MAP3K13: variants seen among roughly 807,000 people sequenced by gnomAD.
MAP3K13 encodes leucine zipper-bearing kinase.
A neutral mutation model predicts 104.0 loss-of-function variants in MAP3K13; 52 were observed. The ratio of observed to expected loss-of-function variants is 0.50; its 90% confidence interval spans 0.40 to 0.63. The LOEUF (loss-of-function observed/expected upper bound fraction) is 0.63. Among genes scored for constraint, MAP3K13 ranks in the 20% least tolerant of loss-of-function variants. MAP3K13 has a pLI of 0.00. For synonymous variants in MAP3K13, 394 were observed against 442.2 expected, an observed-to-expected ratio of 0.89 and a Z score of 1.37; for missense variants, 914 against 1,218.5, an observed-to-expected ratio of 0.75 and a Z score of 3.72.
chr3:185,302,880 A>C (rs1254628745), intron 2 of MAP3K13, among the ~76,000 whole-genome samples: 2 of 152,186 alleles, frequency 1.3e-5, no homozygotes, highest in Non-Finnish European at 2.9e-5. Flanking sequence ...TGTTGAGTAG[A>C]AGTGGTGAAG....
chr3:185,413,679 G>C (rs1224354187), intron 1 of MAP3K13, among the ~76,000 whole-genome samples: 7 of 152,088 alleles, frequency 4.6e-5, no homozygotes, highest in Admixed American at 3.9e-4. Context: ...AAAATTAGCT[G>C]GGTGTGGCAG....
chr3:185,339,497 TG>T (rs1237634514), intron 2 of MAP3K13, among the ~76,000 whole-genome samples: 6 of 152,192 alleles, frequency 3.9e-5, no homozygotes, highest in African/African-American at 1.4e-4. Flanking sequence ...TCAGAAACTC[TG>T]GGGGTATGGT....
intron 1 of MAP3K13, among the ~76,000 whole-genome samples, chr3:185,383,941 T>C (rs1239736486): frequency 6.6e-6 from 1 of 152,324 alleles, no homozygotes; most frequent in African/African-American, 2.4e-5. Flanking sequence ...ACCAGTTTCT[T>C]GTGTTAGGAA....
At chr3:185,291,456 T>G (rs531829427) in intron 2 of MAP3K13, among the ~76,000 whole-genome samples, 207 of 152,288 alleles carry the variant, frequency 1.4e-3, no homozygotes, top group African/African-American at 4.7e-3. Context: ...CAAAAAAATT[T>G]TTTTCCTTTT....
intron 1 of MAP3K13, among the ~76,000 whole-genome samples, chr3:185,397,723 A>ATAAT (rs1712510819): frequency 6.6e-6 from 1 of 151,852 alleles, no homozygotes; most frequent in Non-Finnish European, 1.5e-5. Context: ...GACCCTTATA[A>ATAAT]TATATCTAGG....
intron 10 of MAP3K13, among the ~76,000 whole-genome samples, chr3:185,472,461 T>C (rs555685394): frequency 1.3e-5 from 2 of 152,214 alleles, no homozygotes; most frequent in Admixed American, 1.3e-4. Context: ...TCCACCCTCC[T>C]TGGCCTCCCA....
rs1034055017 is a variant in MAP3K13 at position 185,437,011 on chromosome 3, A to G, written c.476-436A>G. Among the ~76,000 whole-genome samples the G allele has an allele frequency of 4.2e-3, 619 of 148,292 alleles. 2 individuals are homozygous for G. Among genetic ancestry groups the G allele is most frequent in the Non-Finnish European group, 7.7e-3 (512 of 66,814 alleles). On this transcript the variant is annotated intron_variant, in intron 2 of 13. Transcript: ENST00000265026. ...GCAAGACTCTGTCTCAAAAAAAAAA[A>G]AAAAAAAAAAAAAAAAAAAAATTAG...
chr3:185,427,359 G>C (rs1714487535), intron 1 of MAP3K13, among the ~76,000 whole-genome samples: 1 of 151,672 alleles, frequency 6.6e-6, no homozygotes, highest in African/African-American at 2.4e-5. Context: ...GCGAGACTCT[G>C]TCTCAAAAAA....
At chr3:185,440,439 C>T (rs969588696) in intron 3 of MAP3K13, among the ~76,000 whole-genome samples, 2 of 152,110 alleles carry the variant, frequency 1.3e-5, no homozygotes, top group African/African-American at 4.8e-5. Flanking sequence ...TTACATTATA[C>T]CTGCCGTATT....
chr3:185,390,008 C>T (rs1711947429), intron 1 of MAP3K13, among the ~76,000 whole-genome samples: 1 of 152,146 alleles, frequency 6.6e-6, no homozygotes, highest in African/African-American at 2.4e-5. Flanking sequence ...TGCTTTCAAT[C>T]TGTTGTGATA....
chr3:185,317,175 G>GA (rs1419387049), intron 2 of MAP3K13, among the ~76,000 whole-genome samples: 1 of 152,100 alleles, frequency 6.6e-6, no homozygotes, highest in Admixed American at 6.5e-5. Flanking sequence ...TTTCAGCCCT[G>GA]AAAACAGCTT....
At chr3:185,288,540 G>GTGTGTGTGTGTGTGTA (rs1437773195) in intron 2 of MAP3K13, among the ~76,000 whole-genome samples, 8 of 140,118 alleles carry the variant, frequency 5.7e-5, no homozygotes, top group African/African-American at 2.0e-4. Flanking sequence ...GTGTTTGTGT[G>GTGTGTGTGTGTGTGTA]TATATATATA....
In MAP3K13 at chr3:185,343,298, G is replaced by C. The variant is rs187533949; in HGVS notation, c.-86+57655G>C. ...TGAGGGGCACCTTAAGAGTTTGTCT[G>C]CCATAATGGGCCTGGAGATTACACA... is the stretch of plus-strand genomic sequence containing the variant. On this transcript the variant is annotated intron_variant, in intron 2 of 14. Coordinates refer to the MAP3K13 transcript ENST00000424227. Among the ~76,000 whole-genome samples the C allele has an allele frequency of 1.6e-4, 25 of 152,248 alleles. No individual in the cohort carries two copies. In the East Asian group the frequency reaches 4.8e-3, roughly 29 times the overall value.
At chr3:185,455,866 A>AGATATATAT (rs1716693497) in intron 7 of MAP3K13, among the ~76,000 whole-genome samples, 2 of 58,804 alleles carry the variant, frequency 3.4e-5, no homozygotes, top group Admixed American at 2.1e-4. Flanking sequence ...GATATATATG[A>AGATATATAT]GATATAGATG....
rs1577440601 is a variant in MAP3K13, at chr3:185,339,511, C to T, written c.-86+53868C>T. On this transcript the variant is annotated intron_variant, in intron 2 of 14. Transcript: ENST00000424227. ...ATCAGAAACTCTGGGGGTATGGTACCATGATTTGTTTTTCTGTGACTGTGA... is the reference window on the plus strand; with the variant it reads ...ATCAGAAACTCTGGGGGTATGGTACTATGATTTGTTTTTCTGTGACTGTGA... Among the ~76,000 whole-genome samples the T allele has an allele frequency of 2.6e-5, 4 of 152,254 alleles. No individual in the cohort carries two copies. In the South Asian group the frequency reaches 8.3e-4, roughly 32 times the overall value.
chr3:185,466,721 T>C, intron 9 of MAP3K13, 105 bp from the exon 10 acceptor site: 1 of 1,336,180 alleles, frequency 7.5e-7, no homozygotes, highest in Admixed American at 1.8e-5. Context: ...GTTATTCAAA[T>C]AGCTAAATGT....
intron 2 of MAP3K13, among the ~76,000 whole-genome samples, chr3:185,305,274 A>G (rs1721251960): frequency 1.3e-5 from 2 of 152,080 alleles, no homozygotes; most frequent in South Asian, 4.1e-4. Flanking sequence ...TCTCTCGTGT[A>G]TCTTCTAAAG....
chr3:185,464,484 G>A (rs570896665), intron 8 of MAP3K13, among the ~76,000 whole-genome samples: 74 of 152,228 alleles, frequency 4.9e-4, no homozygotes, highest in African/African-American at 1.5e-3. Flanking sequence ...CAGGAGATCT[G>A]ATGGTTTTAT....
In MAP3K13 at chr3:185,287,880, A is replaced by G. The variant is rs144415666; in HGVS notation, c.-86+2237A>G. 1.5e-3 allele frequency among the ~76,000 whole-genome samples: 227 copies of G among 152,282 alleles called. 2 individuals carry two copies. Among genetic ancestry groups the G allele is most frequent in the African/African-American group, 4.9e-3 (204 of 41,552 alleles). ...GAGAAACCCCATCTCAACTAAAAAT[A>G]CAAAAAATTAGCTGGGCATGGTGGC... is the stretch of plus-strand genomic sequence containing the variant. On this transcript the variant is annotated intron_variant, in intron 2 of 14. Coordinates refer to the MAP3K13 transcript ENST00000424227.
Sources: allele counts gnomAD v4.1 joint callset (sites outside exome capture counted in the v4.1 genomes callset), GRCh38; gene constraint gnomAD v4.1.1; transcripts MANE v1.5; gene names NCBI Gene and HGNC (gene_info 2026-07-23, HGNC 2026-07-21).